Variants in HDAC9 observed in about 807,000 individuals in gnomAD.
HDAC9 encodes the protein histone deacetylase 9.
A neutral mutation model predicts 139.4 loss-of-function variants in HDAC9; 41 were observed. That is an observed-to-expected ratio of 0.29 (90% CI 0.23 to 0.38). HDAC9 has a LOEUF of 0.38. HDAC9 is among the 10% of genes least tolerant of loss of function. HDAC9 has a pLI of 1.00. For missense variants in HDAC9, 1,147 were observed against 1,297.0 expected (o/e 0.88, Z 1.78); for synonymous variants, 517 against 476.2 (o/e 1.09, Z -1.12).
intron 22 of HDAC9, among the ~76,000 whole-genome samples, chr7:18,885,448 A>AT (rs1194121514): frequency 6.6e-6 from 1 of 152,108 alleles, no homozygotes; most frequent in Non-Finnish European, 1.5e-5. Flanking sequence ...ACCTTTGTGT[A>AT]TTTTTTGTAT....
intron 2 of HDAC9, among the ~76,000 whole-genome samples, chr7:18,188,598 C>A (rs1166957526): frequency 6.6e-6 from 1 of 152,220 alleles, no homozygotes; most frequent in African/African-American, 2.4e-5. Context: ...ATCTACCCAT[C>A]TGACAAAGGT....
At chr7:18,942,190 A>G (rs1476043757) in intron 23 of HDAC9, among the ~76,000 whole-genome samples, 1 of 152,126 alleles carries the variant, frequency 6.6e-6, no homozygotes, top group Non-Finnish European at 1.5e-5. Context: ...GGAATATAAC[A>G]TAAAACCATT....
intron 1 of HDAC9, among the ~76,000 whole-genome samples, chr7:18,371,052 C>T (rs1784556636): frequency 6.6e-6 from 1 of 152,116 alleles, no homozygotes; most frequent in Non-Finnish European, 1.5e-5. Flanking sequence ...CTTTGTTCTG[C>T]ACTTTGATCT....
intron 2 of HDAC9, among the ~76,000 whole-genome samples, chr7:18,183,432 G>A (rs767983358): frequency 2.6e-5 from 4 of 152,158 alleles, no homozygotes; most frequent in Non-Finnish European, 5.9e-5. Flanking sequence ...ATGGCTAGAA[G>A]GAGACAAATC....
intron 6 of HDAC9, among the ~76,000 whole-genome samples, chr7:18,609,441 C>T (rs1230199541): frequency 2.6e-5 from 4 of 152,156 alleles, no homozygotes; most frequent in African/African-American, 7.2e-5. Context: ...AAGGCAGGCA[C>T]ATGTGTGGCA....
chr7:18,710,536 A>G (rs1464333121), intron 12 of HDAC9, among the ~76,000 whole-genome samples: 3 of 152,184 alleles, frequency 2.0e-5, no homozygotes, highest in African/African-American at 7.2e-5. Context: ...ACACACATAC[A>G]TATTCTGGTA....
chr7:18,296,968 G>C (rs1447990478), intron 1 of HDAC9, among the ~76,000 whole-genome samples: 3 of 152,198 alleles, frequency 2.0e-5, no homozygotes, highest in Non-Finnish European at 1.5e-5. Flanking sequence ...AGATTGAAGT[G>C]CCATGTTTAT....
intron 1 of HDAC9, among the ~76,000 whole-genome samples, chr7:18,144,537 C>G (rs765901631): frequency 2.0e-5 from 3 of 152,168 alleles, no homozygotes; most frequent in Non-Finnish European, 4.4e-5. Context: ...CTGCAGCTTT[C>G]TGCCCAGTCT....
chr7:18,394,865 A>T (rs1036645116), intron 1 of HDAC9, among the ~76,000 whole-genome samples: 1 of 152,126 alleles, frequency 6.6e-6, no homozygotes, highest in African/African-American at 2.4e-5. Context: ...AATCAGCAAC[A>T]CAATTACCTA....
At chr7:18,769,190 G>A (rs919172657) in intron 16 of HDAC9, among the ~76,000 whole-genome samples, 3 of 152,128 alleles carry the variant, frequency 2.0e-5, no homozygotes, top group Non-Finnish European at 2.9e-5. Context: ...GACCTGGGAC[G>A]TGCTTTTAAT....
At chr7:18,893,935 C>T (rs1800931192) in intron 22 of HDAC9, among the ~76,000 whole-genome samples, 1 of 152,134 alleles carries the variant, frequency 6.6e-6, no homozygotes. Context: ...GAGGCAGGAC[C>T]AAGCCCACAG....
In HDAC9 at chr7:18,805,256, A is replaced by T. The variant is rs116843293; in HGVS notation, c.2322+11804A>T. On this transcript the variant is annotated intron_variant, in intron 17 of 25. Coordinates refer to ENST00000686413, the MANE Select transcript of HDAC9 (RefSeq NM_178425.4). Reference sequence around the variant, plus strand: ...CAGGAGGAGTAGCTTTTCAGTCTTTAACTTGTTGCATGTTGAGCTATAGGA... The same window carrying T: ...CAGGAGGAGTAGCTTTTCAGTCTTTTACTTGTTGCATGTTGAGCTATAGGA... 4.4e-3 allele frequency among the ~76,000 whole-genome samples: 674 copies of T among 152,336 alleles called. 1 individual carries two copies. The highest frequency in any genetic ancestry group is 6.9e-3 in the Non-Finnish European group (469 of 68,024).
intron 1 of HDAC9, among the ~76,000 whole-genome samples, chr7:18,408,131 A>T (rs556737611): frequency 6.6e-6 from 1 of 152,198 alleles, no homozygotes; most frequent in Non-Finnish European, 1.5e-5. Flanking sequence ...ACTTATTAGT[A>T]TGATGATTTT....
At chr7:18,904,700 C>G (rs147251028) in intron 22 of HDAC9, among the ~76,000 whole-genome samples, 4 of 150,214 alleles carry the variant, frequency 2.7e-5, no homozygotes, top group Admixed American at 6.7e-5. Context: ...CTCAGCCTTC[C>G]GAGTAGCTGG....
At chr7:18,900,023 A>T (rs989269786) in intron 22 of HDAC9, among the ~76,000 whole-genome samples, 5 of 151,204 alleles carry the variant, frequency 3.3e-5, no homozygotes, top group African/African-American at 9.7e-5. Context: ...TCTCTAATTT[A>T]AAAAAAAATG....
chr7:18,957,228 C>T (rs578041880), intron 24 of HDAC9, among the ~76,000 whole-genome samples: 2 of 152,136 alleles, frequency 1.3e-5, no homozygotes, highest in African/African-American at 2.4e-5. Context: ...CTTTGACCAC[C>T]GTGTGGTGCA....
chr7:18,371,556 CAGCAAA>C (rs1784595492), intron 1 of HDAC9, among the ~76,000 whole-genome samples: 1 of 151,914 alleles, frequency 6.6e-6, no homozygotes, highest in Non-Finnish European at 1.5e-5. Context: ...AGGAATTCCA[CAGCAAA>C]AGCAAAAGCA....
chr7:18,665,069 G>T (rs1355188149), intron 11 of HDAC9, among the ~76,000 whole-genome samples: 3 of 152,174 alleles, frequency 2.0e-5, no homozygotes, highest in Non-Finnish European at 4.4e-5. Context: ...AGAGGCTGAG[G>T]TGTCCATCTA....
intron 1 of HDAC9, among the ~76,000 whole-genome samples, chr7:18,121,380 T>G (rs1784357470): frequency 6.6e-6 from 1 of 151,946 alleles, no homozygotes; most frequent in African/African-American, 2.4e-5. Context: ...TGGAGACTTG[T>G]GGCAGCAGCT....
Sources: allele counts gnomAD v4.1 joint callset (sites outside exome capture counted in the v4.1 genomes callset), GRCh38; gene constraint gnomAD v4.1.1; transcripts MANE v1.5; gene names NCBI Gene and HGNC (gene_info 2026-07-23, HGNC 2026-07-21).